RYK: variants seen among roughly 807,000 people sequenced by gnomAD.
RYK encodes inactive tyrosine-protein kinase RYK.
Under a neutral mutation model 70.2 loss-of-function variants are expected in RYK, and 21 were observed. The ratio of observed to expected loss-of-function variants is 0.30; its 90% confidence interval spans 0.21 to 0.43. The LOEUF is 0.43. RYK is among the 20% of genes least tolerant of loss of function. The probability of loss-of-function intolerance (pLI) is 1.00; values close to 1 mark genes in which losing one functional copy is unlikely to be tolerated. For missense variants in RYK, 604 were observed against 753.3 expected (o/e 0.80, Z 2.32); for synonymous variants, 267 against 278.0 (o/e 0.96, Z 0.39).
chr3:134,182,845 G>A (rs1185811598), intron 10 of RYK, among the ~76,000 whole-genome samples, 157 bp downstream of exon 10: 1 of 151,998 alleles, frequency 6.6e-6, no homozygotes, highest in East Asian at 1.9e-4. Context: ...TAAGTTTTGT[G>A]CAATGAGAAT....
At chr3:134,169,245 TAAGA>T (rs2012806723) in intron 13 of RYK, among the ~76,000 whole-genome samples, 1 of 152,138 alleles carries the variant, frequency 6.6e-6, no homozygotes, top group African/African-American at 2.4e-5. Context: ...AGAAAACCAA[TAAGA>T]AAGAAATTCC....
At chr3:134,212,018 C>T (rs1465314950) in intron 2 of RYK, among the ~76,000 whole-genome samples, 1 of 152,212 alleles carries the variant, frequency 6.6e-6, no homozygotes, top group Non-Finnish European at 1.5e-5. Flanking sequence ...GGAGGGCCTC[C>T]TTGTGGCTGG....
At chr3:134,159,987 T>C (rs2012400780) in intron 13 of RYK, among the ~76,000 whole-genome samples, 1 of 152,142 alleles carries the variant, frequency 6.6e-6, no homozygotes, top group South Asian at 2.1e-4. Context: ...TTCCTGGCTG[T>C]ACTTGGCTCC....
At chr3:134,222,602 G>A (rs2014776501) in intron 1 of RYK, 63 bp from the exon 2 acceptor site, 1 of 1,326,646 alleles carries the variant, frequency 7.5e-7, no homozygotes, top group Non-Finnish European at 1.0e-6. Context: ...ATCCCTATCA[G>A]TATTTCAAAT....
chr3:134,213,508 C>T (rs2014462231), intron 2 of RYK, among the ~76,000 whole-genome samples: 1 of 151,594 alleles, frequency 6.6e-6, no homozygotes, highest in East Asian at 2.0e-4. Flanking sequence ...GATTCTGACA[C>T]AAACCCTCCT....
intron 4 of RYK, among the ~76,000 whole-genome samples, chr3:134,208,251 G>A (rs545330055): frequency 6.6e-6 from 1 of 152,280 alleles, no homozygotes; most frequent in South Asian, 2.1e-4. Flanking sequence ...GGATCCAGAG[G>A]CCACACCATG....
intron 13 of RYK, among the ~76,000 whole-genome samples, chr3:134,169,853 G>A (rs1406956211): frequency 6.6e-6 from 1 of 152,088 alleles, no homozygotes; most frequent in Non-Finnish European, 1.5e-5. Flanking sequence ...AGACTCTGGT[G>A]GAAGTGTCCA....
rs576288176 is a variant in RYK, at chr3:134,237,537, G to A, written c.232+12886C>T. On this transcript the variant is annotated intron_variant, in intron 1 of 14. Transcript: ENST00000623711. ...AATGATACTTTAAAGAAAATGTCAA[G>A]AACCATTAGTTAAGGCAAAAAAACA... 1.2e-4 allele frequency among the ~76,000 whole-genome samples: 18 copies of A among 152,228 alleles called. No individual in the cohort carries two copies. In the South Asian group the frequency reaches 3.5e-3, roughly 30 times the overall value.
chr3:134,174,509 A>G (rs2013029842), intron 13 of RYK, among the ~76,000 whole-genome samples: 1 of 152,228 alleles, frequency 6.6e-6, no homozygotes, highest in African/African-American at 2.4e-5. Flanking sequence ...CAATTCTTAC[A>G]GTTGAAGCTT....
chr3:134,177,708 C>A (rs2013152968), intron 11 of RYK, among the ~76,000 whole-genome samples: 1 of 152,134 alleles, frequency 6.6e-6, no homozygotes, highest in African/African-American at 2.4e-5. Flanking sequence ...TGAATAAGTA[C>A]ACAACGAGAA....
chr3:134,243,641 A>C (rs2015380871), intron 1 of RYK, among the ~76,000 whole-genome samples: 1 of 151,920 alleles, frequency 6.6e-6, no homozygotes, highest in Non-Finnish European at 1.5e-5. Context: ...AGCTGCTTCC[A>C]CCCTCTATGT....
chr3:134,194,776 C>T (rs934039681), intron 7 of RYK, among the ~76,000 whole-genome samples: 1 of 152,150 alleles, frequency 6.6e-6, no homozygotes, highest in South Asian at 2.1e-4. Context: ...CATATAGTTA[C>T]CTGAAAAATC....
intron 5 of RYK, among the ~76,000 whole-genome samples, chr3:134,207,201 T>A (rs577437188): frequency 5.9e-5 from 9 of 152,352 alleles, no homozygotes; most frequent in African/African-American, 2.2e-4. Flanking sequence ...CATACTTTAA[T>A]TATGACTACT....
intron 13 of RYK, among the ~76,000 whole-genome samples, chr3:134,168,442 T>C (rs2012768093): frequency 6.6e-6 from 1 of 152,020 alleles, no homozygotes; most frequent in Non-Finnish European, 1.5e-5. Context: ...TATGCAGCCA[T>C]AAAAAAGGAT....
intron 3 of RYK, 106 bp from the exon 4 acceptor site, chr3:134,209,935 G>C: frequency 2.2e-6 from 2 of 911,800 alleles, no homozygotes; most frequent in South Asian, 1.9e-5. Context: ...TTTGCTGCAA[G>C]AAAACTAAAA....
intron 1 of RYK, among the ~76,000 whole-genome samples, chr3:134,229,298 C>T (rs1454564263): frequency 8.4e-6 from 1 of 118,982 alleles, no homozygotes; most frequent in African/African-American, 2.6e-5. Flanking sequence ...ACTGCCTTCT[C>T]TCTCTCTCTC....
At chr3:134,229,245 C>T (rs2014990303) in intron 1 of RYK, among the ~76,000 whole-genome samples, 1 of 151,828 alleles carries the variant, frequency 6.6e-6, no homozygotes, top group South Asian at 2.1e-4. Context: ...GCTCCCTCGC[C>T]CTCTCTCTTT....
At position 134,199,859 on chromosome 3, in the gene RYK, C is replaced by A. The variant is rs367933284; in HGVS notation, c.788+2871G>T. 2.6e-5 allele frequency among the ~76,000 whole-genome samples: 4 copies of A among 152,022 alleles called. No individual in the cohort carries two copies. In the South Asian group the frequency reaches 8.3e-4, roughly 32 times the overall value. On this transcript the variant is annotated intron_variant, in intron 6 of 14. Transcript: ENST00000623711. ...GCTAAAGGATTGTAAATGCACCAAA[C>A]GGCACTCTGTGTCTAGCTAAAGGTT... is the stretch of plus-strand genomic sequence containing the variant.
chr3:134,195,802 C>T (rs565313554), intron 6 of RYK, among the ~76,000 whole-genome samples: 1 of 152,188 alleles, frequency 6.6e-6, no homozygotes, highest in East Asian at 1.9e-4. Context: ...CAAAATTAGC[C>T]GGGCATGGTG....
Sources: allele counts gnomAD v4.1 joint callset (sites outside exome capture counted in the v4.1 genomes callset), GRCh38; gene constraint gnomAD v4.1.1; transcripts MANE v1.5; gene names NCBI Gene and HGNC (gene_info 2026-07-23, HGNC 2026-07-21).